Variants in MAP4K4 observed in about 807,000 individuals in gnomAD.
The protein encoded by MAP4K4 is HPK/GCK-like kinase HGK.
A neutral mutation model predicts 189.6 loss-of-function variants in MAP4K4; 38 were observed. That is an observed-to-expected ratio of 0.20 (90% CI 0.15 to 0.26). The LOEUF is 0.26. Among genes scored for constraint, MAP4K4 ranks in the 10% least tolerant of loss-of-function variants. The pLI is 1.00. For missense variants in MAP4K4, 1,054 were observed against 1,726.9 expected (o/e 0.61, Z 6.91); for synonymous variants, 610 against 624.3 (o/e 0.98, Z 0.34).
At chr2:101,867,446 A>G in intron 20 of MAP4K4, 137 bp downstream of exon 20, 2 of 642,514 alleles carry the variant, frequency 3.1e-6, no homozygotes, top group Non-Finnish European at 5.5e-6. Context: ...GGAATGACCT[A>G]AACCCCAGAC....
intron 2 of MAP4K4, among the ~76,000 whole-genome samples, chr2:101,737,426 GATATATATATATATATATATAT>G (rs59942464): frequency 1.7e-4 from 5 of 29,998 alleles, no homozygotes; most frequent in African/African-American, 4.6e-4. Context: ...CCTATTGTGA[GATATATATATATATATATATAT>G]ATATATATAT....
chr2:101,807,465 T>A (rs148533350), intron 3 of MAP4K4, among the ~76,000 whole-genome samples: 69 of 152,224 alleles, frequency 4.5e-4, no homozygotes, highest in Middle Eastern at 3.4e-3. Flanking sequence ...TCATAGTTCA[T>A]AGGGTGGGGT....
intron 15 of MAP4K4, chr2:101,860,314 G>C (rs188074639): frequency 1.4e-3 from 311 of 227,842 alleles, no homozygotes; most frequent in African/African-American, 6.7e-3. Context: ...CTGCGGCAGG[G>C]ACTGCTCGGG....
At chr2:101,730,252 A>G (rs2057818855) in intron 2 of MAP4K4, among the ~76,000 whole-genome samples, 1 of 152,090 alleles carries the variant, frequency 6.6e-6, no homozygotes, top group African/African-American at 2.4e-5. Context: ...CTTTGGGATT[A>G]TATTCATGAT....
chr2:101,762,962 G>GA (rs2077115330), intron 2 of MAP4K4, among the ~76,000 whole-genome samples: 1 of 152,174 alleles, frequency 6.6e-6, no homozygotes, highest in Non-Finnish European at 1.5e-5. Context: ...TTGTGGAAAT[G>GA]TGACAACATG....
intron 3 of MAP4K4, among the ~76,000 whole-genome samples, chr2:101,819,945 A>G (rs1015478288): frequency 2.4e-4 from 36 of 152,214 alleles, no homozygotes; most frequent in African/African-American, 8.2e-4. Flanking sequence ...TGATCTGCCA[A>G]CAGTATTTAC....
intron 2 of MAP4K4, among the ~76,000 whole-genome samples, chr2:101,765,840 A>G (rs569738783): frequency 6.6e-5 from 10 of 152,262 alleles, no homozygotes; most frequent in South Asian, 4.1e-4. Flanking sequence ...TAGTATTTCA[A>G]TTTCTGAGAC....
Position 101,763,107 on chromosome 2 carries a change from G to A in MAP4K4, c.124-27613G>A, listed in dbSNP as rs566746715. Among the ~76,000 whole-genome samples the A allele has an allele frequency of 9.2e-5, 14 of 152,292 alleles. No individual in the cohort carries two copies. In the South Asian group the frequency reaches 2.7e-3, roughly 29 times the overall value. ...GCTCCTAGCCCCTGCTGTGACCTCG[G>A]GCAATGCACCTGGGTGGGGTAGGAT... On this transcript the variant is annotated intron_variant, in intron 2 of 32. Coordinates refer to ENST00000324219, the Ensembl canonical transcript of MAP4K4.
chr2:101,865,043 G>T lies in MAP4K4; in HGVS notation c.2204+7G>T. 6.5e-7 allele frequency: 1 copy of T among 1,537,672 alleles called. No individual in the cohort carries two copies. On this transcript the variant is annotated splice_region_variant and intron_variant, in intron 18 of 32. Coordinates refer to ENST00000324219, the Ensembl canonical transcript of MAP4K4. ...GACAGAGAAACTCCACCAGGTAAAA[G>T]ACAAGTGAGCACTGAGAACAGGCCT...
In MAP4K4 at chr2:101,806,536, C is replaced by T. The variant is rs561457385; in HGVS notation, c.180+15760C>T. Among the ~76,000 whole-genome samples, 200 of 152,182 alleles carry T rather than the reference C, an allele frequency of 1.3e-3. 1 individual carries two copies. Among genetic ancestry groups the T allele is most frequent in the African/African-American group, 4.5e-3 (187 of 41,534 alleles). On this transcript the variant is annotated intron_variant, in intron 3 of 32. Coordinates refer to ENST00000324219, the Ensembl canonical transcript of MAP4K4. ...GACTACAGGCACGTGCCACCGTGCC[C>T]GGCTTATTTTTATATATATTTTTAG...
chr2:101,743,936 G>C (rs2063956240), intron 2 of MAP4K4, among the ~76,000 whole-genome samples: 1 of 152,168 alleles, frequency 6.6e-6, no homozygotes, highest in African/African-American at 2.4e-5. Flanking sequence ...GTGATTACAG[G>C]TGTGAGCCAC....
intron 18 of MAP4K4, among the ~76,000 whole-genome samples, chr2:101,865,643 C>T (rs904132502): frequency 4.6e-5 from 7 of 152,168 alleles, no homozygotes; most frequent in African/African-American, 1.7e-4. Context: ...ATGATATTAT[C>T]CAGCTCAAAT....
chr2:101,715,819 G>A (rs2048048840), intron 2 of MAP4K4, among the ~76,000 whole-genome samples: 1 of 152,204 alleles, frequency 6.6e-6, no homozygotes, highest in South Asian at 2.1e-4. Context: ...CAGGAGGTAA[G>A]CAGTGGGAAA....
At chr2:101,879,087 T>A (rs1192983328) in intron 27 of MAP4K4, among the ~76,000 whole-genome samples, 2 of 149,978 alleles carry the variant, frequency 1.3e-5, no homozygotes, top group Non-Finnish European at 1.5e-5. Context: ...CCCAGCAATC[T>A]GAGAGGCCAA....
At chr2:101,717,007 A>G (rs1157451424) in intron 2 of MAP4K4, among the ~76,000 whole-genome samples, 1 of 152,246 alleles carries the variant, frequency 6.6e-6, no homozygotes, top group Non-Finnish European at 1.5e-5. Context: ...TTACAAAAGA[A>G]TCTAATCACC....
chr2:101,712,356 G>A (rs1421153120), intron 2 of MAP4K4, among the ~76,000 whole-genome samples: 2 of 151,716 alleles, frequency 1.3e-5, no homozygotes, highest in African/African-American at 2.4e-5. Context: ...CACCATGCCC[G>A]GCGAATTTTT....
intron 2 of MAP4K4, among the ~76,000 whole-genome samples, chr2:101,758,693 C>T (rs73943762): frequency 0.018 from 2,763 of 152,014 alleles, 84 homozygotes; most frequent in African/African-American, 0.063. Context: ...GGAGGAACTA[C>T]GTGGTCTAAA....
intron 2 of MAP4K4, among the ~76,000 whole-genome samples, chr2:101,762,782 C>T (rs571483811): frequency 2.0e-4 from 31 of 152,304 alleles, no homozygotes; most frequent in Admixed American, 1.8e-3. Context: ...TAAAATCCCT[C>T]CTCCTAGGCT....
At chr2:101,758,830 G>A (rs1285668244) in intron 2 of MAP4K4, among the ~76,000 whole-genome samples, 4 of 152,226 alleles carry the variant, frequency 2.6e-5, no homozygotes, top group African/African-American at 2.4e-5. Context: ...ATGGATGTTC[G>A]CCACTATAAA....
Sources: gnomAD v4.1 joint callset for allele counts (sites outside exome capture counted in the v4.1 genomes callset) on GRCh38, gnomAD v4.1.1 for gene constraint, MANE v1.5 for transcripts, NCBI Gene and HGNC (gene_info 2026-07-23, HGNC 2026-07-21) for gene names.